RTCA: variants seen among roughly 807,000 people sequenced by gnomAD.
RTCA encodes RNA 3'-terminal phosphate cyclase, also known as RNA terminal phosphate cyclase domain 1.
In RTCA, 37 loss-of-function variants were observed where a neutral mutation model predicts 46.1. The ratio of observed to expected loss-of-function variants is 0.80; its 90% confidence interval spans 0.62 to 1.06. The LOEUF is 1.06. RTCA is among the 50% of genes least tolerant of loss of function. The pLI is 0.00. For synonymous variants in RTCA, 164 were observed against 158.3 expected (o/e 1.04, Z -0.27); for missense variants, 435 against 455.5 (o/e 0.95, Z 0.41).
intron 10 of RTCA, among the ~76,000 whole-genome samples, chr1:100,287,721 G>T (rs1477496596): frequency 6.6e-6 from 1 of 151,714 alleles, no homozygotes; most frequent in African/African-American, 2.4e-5. Flanking sequence ...ATTTAGTAGA[G>T]TTGACGTACA....
chr1:100,275,511 ATTATT>A, intron 6 of RTCA, 83 bp from the exon 7 acceptor site: 1 of 1,001,980 alleles, frequency 1.0e-6, no homozygotes, highest in Non-Finnish European at 1.4e-6. Flanking sequence ...AAAGCTACCA[ATTATT>A]TTATGTGTCT....
chr1:100,274,889 C>G lies in RTCA; in HGVS notation c.539C>G (p.Pro180Arg). The change falls in exon 6 of 11, where the codon CCT becomes CGT. Residue 180 changes from proline (P) to arginine (R), a missense_variant. Physicochemically the swap from Pro to Arg is moderately radical, Grantham distance 103. Transcript: ENST00000370128. ...ATGTCACCAGTTAAACAATTGAACC[C>G]TATAAATTTAACTGAGCGTGGCTGT... The part of the protein sequence containing the change: ...VRMSPVKQLN[P>R]INLTERGCVT... 6.2e-7 allele frequency: 1 copy of G among 1,613,528 alleles called. No homozygotes were observed. Among genetic ancestry groups the G allele is most frequent in the Non-Finnish European group, 8.5e-7 (1 of 1,179,612 alleles).
intron 8 of RTCA, among the ~76,000 whole-genome samples, chr1:100,278,366 G>A (rs1666516403): frequency 6.6e-6 from 1 of 152,220 alleles, no homozygotes; most frequent in African/African-American, 2.4e-5. Context: ...ATACATGCAT[G>A]TGTTTGTTAA....
chr1:100,291,336 G>T lies in RTCA; in HGVS notation c.1000-67G>T, dbSNP rs762993543. On this transcript the variant is annotated intron_variant, in intron 10 of 10. Coordinates refer to ENST00000370128, the MANE Select transcript of RTCA (RefSeq NM_003729.4). Reference sequence around the variant, plus strand: ...TGACATTAACTCTCTGCCTACATAAGTTGGAGTTGTGGGCTCTTTCCTCCA... The same window carrying T: ...TGACATTAACTCTCTGCCTACATAATTTGGAGTTGTGGGCTCTTTCCTCCA... The T allele has an allele frequency of 5.4e-6, 5 of 933,100 alleles. No homozygotes were observed. The South Asian group carries it at 8.1e-5, about 15-fold the overall frequency. 57.8% of individuals were successfully genotyped at this position (933,100 alleles called of 1,614,324 possible).
At position 100,266,615 on chromosome 1, in the gene RTCA, C is replaced by T. The variant is rs1665790729; in HGVS notation, c.137C>T (p.Pro46Leu). The stretch of plus-strand genomic sequence containing the variant: ...AAGATCCGAGCCGGCCGGAGCACGC[C>T]AGGCCTGAGGTAAATCTGGCTGGAG... ...VQKIRAGRST[P>L]GLRPQHLSGL... The change falls in exon 2 of 11, where the codon CCA becomes CTA. Residue 46 changes from proline to leucine, a missense_variant. Pro to Leu is a moderately conservative substitution (Grantham distance 98). Transcript: ENST00000370128. 1.2e-6 allele frequency: 2 copies of T among 1,611,844 alleles called. No homozygotes were observed. Among genetic ancestry groups the T allele is most frequent in the Non-Finnish European group, 1.7e-6 (2 of 1,178,798 alleles).
At chr1:100,278,942 T>C (rs1666543692) in intron 8 of RTCA, among the ~76,000 whole-genome samples, 1 of 152,332 alleles carries the variant, frequency 6.6e-6, no homozygotes, top group East Asian at 1.9e-4. Flanking sequence ...GGAATCCATT[T>C]TAACAAACTT....
intron 8 of RTCA, among the ~76,000 whole-genome samples, chr1:100,283,127 C>T (rs1325301149): frequency 1.3e-5 from 2 of 150,794 alleles, no homozygotes; most frequent in African/African-American, 2.4e-5. Context: ...GGTCGCATCC[C>T]CAAGCTATCT....
At chr1:100,266,670 G>C (rs201689733) in intron 2 of RTCA, 46 bp downstream of exon 2, 1 of 1,491,870 alleles carries the variant, frequency 6.7e-7, no homozygotes. Flanking sequence ...CTGGGGGATC[G>C]GGGGGTCGGG....
At chr1:100,287,833 G>A (rs1156609827) in intron 10 of RTCA, among the ~76,000 whole-genome samples, 1 of 141,068 alleles carries the variant, frequency 7.1e-6, no homozygotes, top group Non-Finnish European at 1.5e-5. Context: ...TCACACTGTT[G>A]CCCAGGCTGG....
chr1:100,288,277 T>C (rs1476279318), intron 10 of RTCA, among the ~76,000 whole-genome samples: 2 of 152,224 alleles, frequency 1.3e-5, no homozygotes, highest in Non-Finnish European at 2.9e-5. Context: ...AGTTAATGCA[T>C]ACAACTTCAT....
intron 8 of RTCA, among the ~76,000 whole-genome samples, chr1:100,283,935 G>GAAAAAAAAAAAAAAAAA (rs763030720): frequency 9.1e-5 from 5 of 55,066 alleles, no homozygotes; most frequent in Admixed American, 6.5e-4. Context: ...AAAAAAAAAA[G>GAAAAAAAAAAAAAAAAA]AAAAAAAAAA....
rs1666970459 is a variant in RTCA, at chr1:100,285,444, A to T, written c.894+122A>T. 6 of 644,122 alleles carry T rather than the reference A, an allele frequency of 9.3e-6. No individual in the cohort carries two copies. The Admixed American group carries it at 1.5e-4, about 16-fold the overall frequency. The allele number at this position is 644,122 out of a possible 1,614,324, so 39.9% of individuals were successfully genotyped here. A position where few individuals can be genotyped will look rare whatever the true frequency, so the allele number is the denominator to read the frequency against. ...TTAGCAAGTCCTACTTCAATAATTT[A>T]AAAAAATATTCTGGGATTTGCATTC... On this transcript the variant is annotated intron_variant, in intron 9 of 10. Coordinates refer to ENST00000370128, the MANE Select transcript of RTCA (RefSeq NM_003729.4).
In RTCA at chr1:100,275,614, G is replaced by A. The variant is rs1666326394; in HGVS notation, c.631G>A (p.Ala211Thr). 1 of 1,606,294 alleles carries A rather than the reference G, an allele frequency of 6.2e-7. No homozygotes were observed. The highest frequency in any genetic ancestry group is 8.5e-7 in the Non-Finnish European group (1 of 1,176,776). The change falls in exon 7 of 11, where the codon GCA becomes ACA. Residue 211 changes from alanine to threonine, a missense_variant. Coordinates refer to ENST00000370128, the MANE Select transcript of RTCA (RefSeq NM_003729.4). The part of the protein sequence containing the change: ...VLPFKVAKDM[A>T]AAAVRCIRKE... ...GCTAAAATAGGTAGCAAAAGATATG[G>A]CAGCGGCAGCAGTTAGATGCATCAG...
intron 10 of RTCA, among the ~76,000 whole-genome samples, chr1:100,287,940 C>T (rs1172606784): frequency 6.6e-6 from 1 of 152,014 alleles, no homozygotes; most frequent in African/African-American, 2.4e-5. Context: ...ATTACAGGCA[C>T]ATGCCACCAC....
intron 8 of RTCA, among the ~76,000 whole-genome samples, chr1:100,279,788 T>C (rs1484301735): frequency 2.0e-5 from 3 of 152,002 alleles, no homozygotes; most frequent in African/African-American, 7.2e-5. Flanking sequence ...ACCAAAAAAA[T>C]AGTGTTCTGT....
intron 3 of RTCA, among the ~76,000 whole-genome samples, chr1:100,269,763 C>T (rs527846658): frequency 1.4e-4 from 21 of 152,274 alleles, no homozygotes; most frequent in African/African-American, 4.8e-4. Flanking sequence ...TGGTTTGCTG[C>T]ACCCATCAAC....
intron 4 of RTCA, among the ~76,000 whole-genome samples, chr1:100,271,490 T>C (rs1461344164): frequency 6.6e-6 from 1 of 151,938 alleles, no homozygotes; most frequent in Non-Finnish European, 1.5e-5. Flanking sequence ...ACACCTCGAG[T>C]GTGATATAAA....
intron 9 of RTCA, among the ~76,000 whole-genome samples, chr1:100,286,478 GA>G (rs1313806604): frequency 7.8e-6 from 1 of 127,596 alleles, no homozygotes. Flanking sequence ...AAAAAAAAAC[GA>G]AAAACAAAAA....
chr1:100,292,599 T>C lies in RTCA; in HGVS notation c.*1095T>C, dbSNP rs11581889. The C allele has an allele frequency of 0.77, 117,725 of 152,186 alleles. 47,421 individuals are homozygous for C. Among genetic ancestry groups the C allele is most frequent in the East Asian group, 0.95 (4,926 of 5,178 alleles). 9.4% of individuals were successfully genotyped at this position (152,186 alleles called of 1,614,324 possible). ...TACAGGCATGAGCCACCACAGCTGG[T>C]CGTAAATATTTTTTGAATTTGAATC... On this transcript the variant is annotated 3_prime_UTR_variant, in exon 11 of 11. Coordinates refer to ENST00000370128, the MANE Select transcript of RTCA (RefSeq NM_003729.4).
Sources: allele counts gnomAD v4.1 joint callset (sites outside exome capture counted in the v4.1 genomes callset), GRCh38; gene constraint gnomAD v4.1.1; transcripts MANE v1.5; gene names NCBI Gene and HGNC (gene_info 2026-07-23, HGNC 2026-07-21).